The following ARL15 variants were observed in gnomAD, a reference collection of about 807,000 sequenced individuals.
The protein encoded by ARL15 is ADP-ribosylation factor-like protein 15.
Under a neutral mutation model 25.2 loss-of-function variants are expected in ARL15, and 19 were observed. That is an observed-to-expected ratio of 0.75 (90% CI 0.53 to 1.10). The LOEUF is 1.10. Among genes scored for constraint, ARL15 ranks in the 50% least tolerant of loss-of-function variants. ARL15 has a pLI of 0.00. For synonymous variants in ARL15, 94 were observed against 86.8 expected, an observed-to-expected ratio of 1.08 and a Z score of -0.46; for missense variants, 220 against 246.0, an observed-to-expected ratio of 0.89 and a Z score of 0.71.
chr5:54,063,488 A>G (rs1165426802), intron 4 of ARL15, among the ~76,000 whole-genome samples: 2 of 152,222 alleles, frequency 1.3e-5, no homozygotes, highest in African/African-American at 4.8e-5. Context: ...CAGTAAACCC[A>G]AAGATTTAAA....
chr5:54,074,664 T>A (rs1751535474), intron 4 of ARL15, among the ~76,000 whole-genome samples: 1 of 152,172 alleles, frequency 6.6e-6, no homozygotes, highest in Admixed American at 6.5e-5. Flanking sequence ...TTCAGAACTG[T>A]CAGTTTCTAT....
intron 4 of ARL15, among the ~76,000 whole-genome samples, chr5:53,997,841 C>T (rs1748730675): frequency 6.6e-6 from 1 of 151,964 alleles, no homozygotes; most frequent in Non-Finnish European, 1.5e-5. Flanking sequence ...AAATGTAAAA[C>T]CACTAATCTA....
intron 3 of ARL15, among the ~76,000 whole-genome samples, chr5:54,139,190 T>C (rs1753696638): frequency 6.6e-6 from 1 of 152,136 alleles, no homozygotes; most frequent in Non-Finnish European, 1.5e-5. Flanking sequence ...AAGAAGTCAT[T>C]GTATCAGGAA....
intron 4 of ARL15, among the ~76,000 whole-genome samples, chr5:54,019,795 T>C (rs1561191484): frequency 1.3e-5 from 2 of 152,244 alleles, no homozygotes; most frequent in South Asian, 4.1e-4. Flanking sequence ...TTGTTATAAA[T>C]TGAAGAATCA....
intron 4 of ARL15, among the ~76,000 whole-genome samples, chr5:54,088,537 G>A (rs1298208315): frequency 1.1e-4 from 17 of 152,144 alleles, no homozygotes; most frequent in Non-Finnish European, 2.5e-4. Context: ...TTGGTCAGAG[G>A]TAGATTAACC....
chr5:54,158,781 G>C (rs1020519668), intron 2 of ARL15, among the ~76,000 whole-genome samples: 1 of 152,186 alleles, frequency 6.6e-6, no homozygotes, highest in African/African-American at 2.4e-5. Context: ...GCTGAGGCAG[G>C]AGAATCGCTT....
At chr5:54,199,659 G>A (rs1414916179) in intron 1 of ARL15, among the ~76,000 whole-genome samples, 1 of 151,496 alleles carries the variant, frequency 6.6e-6, no homozygotes, top group African/African-American at 2.4e-5. Context: ...TGCTGGAGAG[G>A]ATGTGGAGAA....
intron 1 of ARL15, among the ~76,000 whole-genome samples, chr5:54,229,746 A>G: frequency 6.6e-6 from 1 of 152,208 alleles, no homozygotes; most frequent in South Asian, 2.1e-4. Flanking sequence ...AGAGCTTGGA[A>G]ACTGAAACAC....
At chr5:54,197,700 T>C (rs112088133) in intron 1 of ARL15, among the ~76,000 whole-genome samples, 37,973 of 151,796 alleles carry the variant, frequency 0.25, 5,237 homozygotes, top group African/African-American at 0.35. Flanking sequence ...GATTCACAGC[T>C]GAATTCTACC....
intron 4 of ARL15, among the ~76,000 whole-genome samples, chr5:53,999,434 C>T (rs923031587): frequency 1.3e-5 from 2 of 151,398 alleles, no homozygotes; most frequent in Admixed American, 6.6e-5. Context: ...GCTAAAAATA[C>T]AAAAAATTAG....
At chr5:53,921,416 A>G (rs1745858524) in intron 4 of ARL15, among the ~76,000 whole-genome samples, 1 of 152,232 alleles carries the variant, frequency 6.6e-6, no homozygotes. Context: ...ATGTTCCAGT[A>G]ATAGAAACAT....
At chr5:54,205,425 G>A (rs932882486) in intron 1 of ARL15, among the ~76,000 whole-genome samples, 1 of 152,074 alleles carries the variant, frequency 6.6e-6, no homozygotes, top group African/African-American at 2.4e-5. Context: ...GAATAAAAAG[G>A]TATTCCAGCT....
intron 4 of ARL15, among the ~76,000 whole-genome samples, chr5:54,038,158 T>A (rs900270398): frequency 6.6e-6 from 1 of 152,092 alleles, no homozygotes; most frequent in Non-Finnish European, 1.5e-5. Flanking sequence ...TGTAATGAAA[T>A]TGCTAATTCC....
At chr5:54,286,866 C>CTTT (rs529169299) in intron 1 of ARL15, among the ~76,000 whole-genome samples, 8 of 126,226 alleles carry the variant, frequency 6.3e-5, no homozygotes, top group East Asian at 2.3e-4. Context: ...ATTTGCAGGG[C>CTTT]TTTTTTTTTT....
rs1002098375 is a variant in ARL15, at chr5:54,113,193, G to A, written c.462+9C>T. The stretch of plus-strand genomic sequence containing the variant: ...GAAGACAAAGAGTTGTCATGCTAAT[G>A]AGACATACCTCTTGTACTGAGCGAG... On this transcript the variant is annotated intron_variant, in intron 4 of 4. Coordinates refer to ENST00000504924, the MANE Select transcript of ARL15 (RefSeq NM_019087.3). The A allele has an allele frequency of 2.5e-6, 4 of 1,611,838 alleles. No homozygotes were observed. In the Admixed American group the frequency reaches 6.7e-5, roughly 27 times the overall value.
chr5:54,206,288 AC>A (rs1159166499), intron 1 of ARL15, among the ~76,000 whole-genome samples: 1 of 152,148 alleles, frequency 6.6e-6, no homozygotes, highest in Non-Finnish European at 1.5e-5. Flanking sequence ...CATTCATTCA[AC>A]CCATATTGAC....
At chr5:53,910,257 A>T (rs980302495) in intron 4 of ARL15, among the ~76,000 whole-genome samples, 1 of 152,172 alleles carries the variant, frequency 6.6e-6, no homozygotes, top group African/African-American at 2.4e-5. Context: ...AGTAATCTTT[A>T]GAGAAGATCA....
intron 3 of ARL15, among the ~76,000 whole-genome samples, chr5:54,145,213 G>A (rs1336441845): frequency 2.0e-5 from 3 of 152,060 alleles, no homozygotes; most frequent in Non-Finnish European, 4.4e-5. Context: ...TCACACACTT[G>A]TACCAACAGT....
chr5:54,039,452 T>TA (rs1257640023), intron 4 of ARL15, among the ~76,000 whole-genome samples: 1 of 152,084 alleles, frequency 6.6e-6, no homozygotes, highest in Non-Finnish European at 1.5e-5. Context: ...GAACATAATA[T>TA]AAAATGACAT....
Sources: gnomAD v4.1 joint callset for allele counts (sites outside exome capture counted in the v4.1 genomes callset) on GRCh38, gnomAD v4.1.1 for gene constraint, MANE v1.5 for transcripts, NCBI Gene and HGNC (gene_info 2026-07-23, HGNC 2026-07-21) for gene names.